Variants in ADAM9 observed in about 807,000 individuals in gnomAD.
ADAM9 encodes disintegrin and metalloproteinase domain-containing protein 9.
Under a neutral mutation model 108.1 loss-of-function variants are expected in ADAM9, and 54 were observed. The observed-to-expected ratio is 0.50, with a 90% confidence interval of 0.40 to 0.63. The LOEUF (loss-of-function observed/expected upper bound fraction) is 0.63, where lower values mean the gene tolerates loss of function less well. Ranked by LOEUF, ADAM9 falls within the 20% of genes least tolerant of loss-of-function variation. ADAM9 has a pLI of 0.00. For missense variants in ADAM9, 830 were observed against 997.7 expected, an observed-to-expected ratio of 0.83 and a Z score of 2.26; for synonymous variants, 316 against 336.0, an observed-to-expected ratio of 0.94 and a Z score of 0.65.
chr8:39,044,328 G>A (rs1305459371), intron 12 of ADAM9, among the ~76,000 whole-genome samples: 27 of 152,028 alleles, frequency 1.8e-4, no homozygotes, highest in Non-Finnish European at 2.9e-5. Flanking sequence ...TTTTCCACGG[G>A]GGAAGGGACT....
At chr8:39,001,425 A>ACCAG (rs1835988223) in intron 1 of ADAM9, among the ~76,000 whole-genome samples, 1 of 152,236 alleles carries the variant, frequency 6.6e-6, no homozygotes, top group Non-Finnish European at 1.5e-5. Context: ...CAGGAAGTAC[A>ACCAG]TGATGAATAA....
At chr8:39,063,218 G>A (rs2129440065) in intron 14 of ADAM9, among the ~76,000 whole-genome samples, 1 of 152,286 alleles carries the variant, frequency 6.6e-6, no homozygotes, top group African/African-American at 2.4e-5. Flanking sequence ...CTCCTCATGG[G>A]TTGTATTTAG....
chr8:39,031,417 T>G (rs1434628402), intron 11 of ADAM9, among the ~76,000 whole-genome samples: 1 of 152,230 alleles, frequency 6.6e-6, no homozygotes, highest in African/African-American at 2.4e-5. Context: ...TCTTTATCTA[T>G]CTGTCACCTT....
At position 39,090,194 on chromosome 8, in the gene ADAM9, T is replaced by C. The variant is rs746478012; in HGVS notation, c.2210+6T>C. ...AAGAGATCACAAACATATGAGTACTTAGATTTTTTTCTTTTAATTCCTATA... is the reference window on the plus strand; with the variant it reads ...AAGAGATCACAAACATATGAGTACTCAGATTTTTTTCTTTTAATTCCTATA... On this transcript the variant is annotated splice_donor_region_variant and intron_variant, in intron 19 of 21. Transcript: ENST00000487273. 1.2e-6 allele frequency: 2 copies of C among 1,610,216 alleles called. No homozygotes were observed. The highest frequency in any genetic ancestry group is 2.2e-5 in the South Asian group (2 of 90,410).
intron 2 of ADAM9, among the ~76,000 whole-genome samples, chr8:39,011,175 C>T (rs763899075): frequency 1.3e-5 from 2 of 151,060 alleles, no homozygotes; most frequent in Non-Finnish European, 2.9e-5. Flanking sequence ...ATTTCAAGGA[C>T]GTTAATGTGA....
At chr8:38,998,290 A>C (rs577353993) in intron 1 of ADAM9, among the ~76,000 whole-genome samples, 3 of 152,330 alleles carry the variant, frequency 2.0e-5, no homozygotes, top group Non-Finnish European at 4.4e-5. Context: ...GAAGTTGCCA[A>C]ATTTCTTCTG....
intron 7 of ADAM9, 102 bp from the exon 8 acceptor site, chr8:39,021,541 C>T (rs935752474): frequency 1.0e-5 from 11 of 1,075,498 alleles, no homozygotes; most frequent in African/African-American, 1.6e-5. Context: ...GCCTGGGCCT[C>T]TCAAAATGCT....
intron 19 of ADAM9, 116 bp downstream of exon 19, chr8:39,090,304 T>C: frequency 2.3e-6 from 2 of 877,056 alleles, no homozygotes; most frequent in Non-Finnish European, 1.7e-6. Context: ...TTCCAAGTAG[T>C]TGGGATTACA....
At chr8:39,037,120 AG>A (rs1837304851) in intron 11 of ADAM9, among the ~76,000 whole-genome samples, 1 of 121,510 alleles carries the variant, frequency 8.2e-6, no homozygotes, top group Non-Finnish European at 1.6e-5. Flanking sequence ...GCAGTGGCGC[AG>A]TCTCGGCTCA....
chr8:39,014,241 A>AGTAGTTGAG (rs1588333648), intron 4 of ADAM9, 198 bp downstream of exon 4: 1 of 584,900 alleles, frequency 1.7e-6, no homozygotes, highest in East Asian at 2.8e-5. Context: ...CCAGGTACTC[A>AGTAGTTGAG]GTAGTTAAGG....
Position 39,002,466 on chromosome 8 carries a change from G to A in ADAM9, c.97+5306G>A, listed in dbSNP as rs1243315843. On this transcript the variant is annotated intron_variant, in intron 1 of 21. Transcript: ENST00000487273. ...CCCGAGTAGCTGGGACTACAGGCAC[G>A]CACCACCACGCCCGGCTAATTTTTG... Among the ~76,000 whole-genome samples, 4 of 151,604 alleles carry A rather than the reference G, an allele frequency of 2.6e-5. No homozygotes were observed. The South Asian group carries it at 8.4e-4, about 32-fold the overall frequency.
At chr8:39,070,706 T>G (rs1228381648) in intron 14 of ADAM9, among the ~76,000 whole-genome samples, 1 of 150,318 alleles carries the variant, frequency 6.7e-6, no homozygotes, top group Non-Finnish European at 1.5e-5. Context: ...TACAGTAAGC[T>G]ATGAACGTGC....
At chr8:39,022,097 T>TGTGTGTCA (rs1356591377) in intron 8 of ADAM9, among the ~76,000 whole-genome samples, 2 of 136,214 alleles carry the variant, frequency 1.5e-5, no homozygotes, top group African/African-American at 6.1e-5. Context: ...TGTGTGTGTG[T>TGTGTGTCA]GAGAGAGAGA....
intron 18 of ADAM9, among the ~76,000 whole-genome samples, chr8:39,084,186 T>A (rs756178884): frequency 6.6e-6 from 1 of 152,194 alleles, no homozygotes; most frequent in Non-Finnish European, 1.5e-5. Context: ...ATTGTCTTAA[T>A]GAGTTTTGAA....
At position 39,045,357 on chromosome 8, in the gene ADAM9, CATATAGGTGTGTGTACAT is replaced by C. The variant is rs1837684128; in HGVS notation, c.1302+3242_1302+3259del. ...GTACACCTATACATGTGTGTACATACATATAGGTGTGTGTACATACACCTATAGGTGTGTGTACACACA... is the reference window on the plus strand; with the variant it reads ...GTACACCTATACATGTGTGTACATACACACCTATAGGTGTGTGTACACACA... On this transcript the variant is annotated intron_variant, in intron 12 of 21. Coordinates refer to ENST00000487273, the MANE Select transcript of ADAM9 (RefSeq NM_003816.3). Among the ~76,000 whole-genome samples the C allele has an allele frequency of 5.3e-5, 4 of 75,278 alleles. 1 individual carries two copies. The highest frequency in any genetic ancestry group is 1.8e-4 in the Admixed American group (1 of 5,510). The allele number at this position is 75,278 out of a possible 152,430, so 49.4% of individuals were successfully genotyped here. A position where few individuals can be genotyped will look rare whatever the true frequency, so the allele number is the denominator to read the frequency against.
intron 12 of ADAM9, among the ~76,000 whole-genome samples, chr8:39,044,593 TCTCCTCCTACCCTCTCCAGCCCTCA>T (rs1837555261): frequency 2.3e-4 from 2 of 8,562 alleles, no homozygotes; most frequent in Non-Finnish European, 4.1e-4. Flanking sequence ...CAGCCCTCAC[TCTCCTCCTACCCTCTCCAGCCCTCA>T]CTCTCCTCCT....
chr8:39,041,012 T>G (rs897686545), intron 11 of ADAM9, among the ~76,000 whole-genome samples: 5 of 152,196 alleles, frequency 3.3e-5, no homozygotes, highest in African/African-American at 9.7e-5. Context: ...AAGAAAACGT[T>G]GAGGAAAAGC....
Position 39,045,418 on chromosome 8 carries a change from G to C in ADAM9, c.1302+3301G>C, listed in dbSNP as rs1424315224. ...TACACACACCTATATGTGCGCGTGT[G>C]TACACACACCTATATGTGCGCGTGT... On this transcript the variant is annotated intron_variant, in intron 12 of 21. Transcript: ENST00000487273. Among the ~76,000 whole-genome samples, 64 of 126,676 alleles carry C rather than the reference G, an allele frequency of 5.1e-4. 3 individuals are homozygous for C. Among genetic ancestry groups the C allele is most frequent in the East Asian group, 3.4e-3 (15 of 4,438 alleles). The allele number at this position is 126,676 out of a possible 152,430, so 83.1% of individuals were successfully genotyped here.
At chr8:39,004,827 T>C (rs1269151339) in intron 1 of ADAM9, among the ~76,000 whole-genome samples, 2 of 152,198 alleles carry the variant, frequency 1.3e-5, no homozygotes, top group Non-Finnish European at 2.9e-5. Flanking sequence ...GCTAATGTAT[T>C]ATAATTAGCA....
Sources: allele counts gnomAD v4.1 joint callset (sites outside exome capture counted in the v4.1 genomes callset), GRCh38; gene constraint gnomAD v4.1.1; transcripts MANE v1.5; gene names NCBI Gene and HGNC (gene_info 2026-07-23, HGNC 2026-07-21).